The following CYP4B1 variants were observed in gnomAD, a reference collection of about 807,000 sequenced individuals.
CYP4B1 encodes the protein cytochrome P450 family 4 subfamily B member 1.
A neutral mutation model predicts 54.0 loss-of-function variants in CYP4B1; 45 were observed. The observed-to-expected ratio is 0.83, with a 90% CI of 0.66 to 1.07. The LOEUF (loss-of-function observed/expected upper bound fraction) is 1.07. Among genes scored for constraint, CYP4B1 ranks in the 50% least tolerant of loss-of-function variants. The pLI is 0.00. For missense variants in CYP4B1, 656 were observed against 655.4 expected, an observed-to-expected ratio of 1.00 and a Z score of -0.01; for synonymous variants, 248 against 247.5, an observed-to-expected ratio of 1.00 and a Z score of -0.02.
chr1:46,818,762 A>G lies in CYP4B1; in HGVS notation c.1487A>G (p.Lys496Arg). Residue 496 changes from lysine (K) to arginine (R), a missense_variant, in exon 12 of 12, where the codon AAG (lysine) becomes AGG (arginine). Lys to Arg is a conservative substitution (Grantham distance 26). Coordinates refer to ENST00000371923, the MANE Select transcript of CYP4B1 (RefSeq NM_001099772.2). ...IKMPQLVLRS[K>R]NGFHLHLKPL... ...ATGCCCCAGCTTGTCCTGCGCTCCA[A>G]GAATGGCTTTCACCTCCACCTGAAG... 6.2e-7 allele frequency: 1 copy of G among 1,614,090 alleles called. No individual in the cohort carries two copies. Among genetic ancestry groups the G allele is most frequent in the African/African-American group, 1.3e-5 (1 of 75,032 alleles).
chr1:46,800,241 CCTTCCTTCCT>C (rs1678583786), intron 1 of CYP4B1, among the ~76,000 whole-genome samples: 3 of 34,786 alleles, frequency 8.6e-5, no homozygotes, highest in African/African-American at 2.6e-4. Flanking sequence ...TTCTTTCTTT[CCTTCCTTCCT>C]TCCTTCCTTC....
intron 6 of CYP4B1, 21 bp from the exon 7 acceptor site, chr1:46,814,188 C>T (rs1679235581): frequency 3.1e-6 from 5 of 1,612,962 alleles, no homozygotes; most frequent in Middle Eastern, 1.6e-4. Context: ...CAGGCAGTGA[C>T]ACTCTGTGCT....
rs1293695343 is a variant in CYP4B1 at position 46,814,082 on chromosome 1, G to T, written c.775+19G>T. ...CATACAGGTGGGCCTTTCCCACAAG[G>T]CTCACCTCTAGGAAGCCTGGGTTCC... is the stretch of plus-strand genomic sequence containing the variant. On this transcript the variant is annotated intron_variant, in intron 6 of 11. Coordinates refer to ENST00000371923, the MANE Select transcript of CYP4B1 (RefSeq NM_001099772.2). 1.2e-6 allele frequency: 2 copies of T among 1,613,332 alleles called. No individual in the cohort carries two copies. Among genetic ancestry groups the T allele is most frequent in the Non-Finnish European group, 1.7e-6 (2 of 1,179,820 alleles).
At chr1:46,803,698 A>G (rs1441081769) in intron 1 of CYP4B1, among the ~76,000 whole-genome samples, 1 of 152,196 alleles carries the variant, frequency 6.6e-6, no homozygotes, top group Non-Finnish European at 1.5e-5. Flanking sequence ...GTCTCCTCCC[A>G]TGACCTGCTA....
intron 1 of CYP4B1, among the ~76,000 whole-genome samples, chr1:46,800,869 C>A (rs748706888): frequency 4.6e-5 from 7 of 152,162 alleles, no homozygotes; most frequent in Non-Finnish European, 8.8e-5. Context: ...GCCTGGGGTT[C>A]AAAGAGCTTA....
intron 4 of CYP4B1, 51 bp downstream of exon 4, chr1:46,812,674 C>A (rs1429142101): frequency 6.3e-7 from 1 of 1,588,096 alleles, no homozygotes. Context: ...TGGGCTAGCC[C>A]CTCTCCACCC....
At chr1:46,803,632 G>A (rs558967370) in intron 1 of CYP4B1, among the ~76,000 whole-genome samples, 1 of 152,312 alleles carries the variant, frequency 6.6e-6, no homozygotes, top group East Asian at 1.9e-4. Context: ...GGCAGCACTT[G>A]TCAGTGTCTG....
At position 46,818,796 on chromosome 1, in the gene CYP4B1, C is replaced by T. The variant is rs1018773478; in HGVS notation, c.1521C>T (p.Gly507=). ...TTCACCTCCACCTGAAGCCACTGGG[C>T]CCTGGGTCTGGGAAGTAGCTCTGAT... ...NGFHLHLKPL[G]PGSGK Residue 507 remains glycine, a synonymous_variant, in exon 12 of 12, where the codon GGC becomes GGT. Coordinates refer to ENST00000371923, the MANE Select transcript of CYP4B1 (RefSeq NM_001099772.2). 21 of 1,613,994 alleles carry T rather than the reference C, an allele frequency of 1.3e-5. No homozygotes were observed. The highest frequency in any genetic ancestry group is 6.7e-5 in the African/African-American group (5 of 74,914).
chr1:46,810,718 G>A, intron 1 of CYP4B1, 90 bp from the exon 2 acceptor site: 1 of 1,445,924 alleles, frequency 6.9e-7, no homozygotes, highest in Non-Finnish European at 9.6e-7. Flanking sequence ...GCCTGCCTGG[G>A]CAGCCTTCTC....
Position 46,815,232 on chromosome 1 carries a change from C to T in CYP4B1, c.1041C>T (p.Arg347=), listed in dbSNP as rs762334759. Residue 347 remains arginine (R), a synonymous_variant, in exon 8 of 12, where the codon CGC becomes CGT. Coordinates refer to ENST00000371923, the MANE Select transcript of CYP4B1 (RefSeq NM_001099772.2). ...AGCATCGTTGTAGAGAGGAGGTCCG[C>T]GAGATCCTAGGGGACCAGGACTTCT... is the stretch of plus-strand genomic sequence containing the variant. ...EHQHRCREEV[R]EILGDQDFFQ... is the part of the protein sequence containing the mutation. The T allele has an allele frequency of 1.9e-5, 30 of 1,583,604 alleles. No homozygotes were observed. Among genetic ancestry groups the T allele is most frequent in the African/African-American group, 5.4e-5 (4 of 74,384 alleles).
intron 1 of CYP4B1, 76 bp from the exon 2 acceptor site, chr1:46,810,732 T>C: frequency 6.4e-7 from 1 of 1,556,318 alleles, no homozygotes; most frequent in Non-Finnish European, 8.8e-7. Context: ...CCTTCTCCCC[T>C]GCCCTCCCAG....
chr1:46,812,658 G>A (rs1211854327), intron 4 of CYP4B1, 35 bp downstream of exon 4: 2 of 1,603,112 alleles, frequency 1.2e-6, no homozygotes, highest in African/African-American at 1.3e-5. Flanking sequence ...GGAGGCTGTT[G>A]CCTGCTGGGC....
At chr1:46,800,172 CTTCTTTCTTT>C (rs777446805) in intron 1 of CYP4B1, among the ~76,000 whole-genome samples, 1 of 38,320 alleles carries the variant, frequency 2.6e-5, no homozygotes, top group African/African-American at 6.8e-5. Flanking sequence ...TTCTTTTTTT[CTTCTTTCTTT>C]CTCTTTCTTT....
At chr1:46,813,698 G>C (rs1679207879) in intron 5 of CYP4B1, 92 bp downstream of exon 5, 3 of 1,562,400 alleles carry the variant, frequency 1.9e-6, no homozygotes, top group Non-Finnish European at 2.6e-6. Flanking sequence ...TCTGAGAAGA[G>C]ATAGGGTCCT....
intron 5 of CYP4B1, 59 bp from the exon 6 acceptor site, chr1:46,813,850 C>G: frequency 6.3e-7 from 1 of 1,588,676 alleles, no homozygotes; most frequent in Non-Finnish European, 8.6e-7. Context: ...AATGGAGTTT[C>G]TCTGGCTCTG....
At chr1:46,803,808 T>A (rs1678752689) in intron 1 of CYP4B1, among the ~76,000 whole-genome samples, 2 of 152,294 alleles carry the variant, frequency 1.3e-5, no homozygotes, top group Non-Finnish European at 2.9e-5. Flanking sequence ...TCCCTCTTCA[T>A]ATTGATATAA....
intron 8 of CYP4B1, among the ~76,000 whole-genome samples, chr1:46,816,800 A>C (rs1569915777): frequency 6.6e-6 from 1 of 152,202 alleles, no homozygotes; most frequent in South Asian, 2.1e-4. Context: ...CTTCATCTCT[A>C]GGGTCCTGTG....
intron 1 of CYP4B1, among the ~76,000 whole-genome samples, chr1:46,802,190 GGTGTGTGTGT>G (rs149282133): frequency 1.3e-5 from 2 of 151,176 alleles, no homozygotes; most frequent in African/African-American, 4.9e-5. Flanking sequence ...GGTGTGTGTG[GGTGTGTGTGT>G]GTGTGTAGAA....
intron 1 of CYP4B1, among the ~76,000 whole-genome samples, chr1:46,801,205 G>T (rs918158181): frequency 2.0e-5 from 3 of 152,192 alleles, no homozygotes; most frequent in Admixed American, 2.0e-4. Flanking sequence ...GGGACCAGGA[G>T]GGCTTGGGAG....
Sources: gnomAD v4.1 joint callset for allele counts (sites outside exome capture counted in the v4.1 genomes callset) on GRCh38, gnomAD v4.1.1 for gene constraint, MANE v1.5 for transcripts, NCBI Gene and HGNC (gene_info 2026-07-23, HGNC 2026-07-21) for gene names.